Variants in ARFIP1 observed in about 807,000 individuals in gnomAD.
The protein encoded by ARFIP1 is ARF interacting protein 1.
Under a neutral mutation model 42.5 loss-of-function variants are expected in ARFIP1, and 24 were observed. That is an observed-to-expected ratio of 0.57 (90% CI 0.41 to 0.80). ARFIP1 has a LOEUF of 0.80. Among genes scored for constraint, ARFIP1 ranks in the 30% least tolerant of loss-of-function variants. The pLI is 0.00. For synonymous variants in ARFIP1, 141 were observed against 153.7 expected (o/e 0.92, Z 0.61); for missense variants, 354 against 434.0 (o/e 0.82, Z 1.64).
chr4:152,902,861 T>C (rs1278368311), intron 8 of ARFIP1, among the ~76,000 whole-genome samples: 1 of 152,178 alleles, frequency 6.6e-6, no homozygotes, highest in African/African-American at 2.4e-5. Context: ...CTTTCCCAGG[T>C]TGACTTTTAC....
intron 8 of ARFIP1, among the ~76,000 whole-genome samples, chr4:152,896,585 A>T (rs1737352459): frequency 6.6e-6 from 1 of 152,176 alleles, no homozygotes; most frequent in African/African-American, 2.4e-5. Context: ...AACGGGAAGG[A>T]TTAATAAAAT....
At chr4:152,789,929 C>G (rs1731052396) in intron 1 of ARFIP1, among the ~76,000 whole-genome samples, 3 of 152,158 alleles carry the variant, frequency 2.0e-5, no homozygotes, top group African/African-American at 7.2e-5. Flanking sequence ...TAGAATCAGC[C>G]TTTTCTCCAA....
At chr4:152,867,509 T>TGGGGAGAGGGAGAGAGGTGAGACGGGAGA (rs1734512282) in intron 3 of ARFIP1, among the ~76,000 whole-genome samples, 1 of 151,364 alleles carries the variant, frequency 6.6e-6, no homozygotes, top group Admixed American at 6.6e-5. Context: ...AGGGAGACCG[T>TGGGGAGAGGGAGAGAGGTGAGACGGGAGA]GGGGAGAGGG....
At chr4:152,876,661 G>C (rs1043208106) in intron 5 of ARFIP1, among the ~76,000 whole-genome samples, 1 of 152,230 alleles carries the variant, frequency 6.6e-6, no homozygotes, top group Non-Finnish European at 1.5e-5. Context: ...TTGCCAAGAT[G>C]ATGGGGAAAA....
rs191393412 is a variant in ARFIP1, at chr4:152,904,084, C to T, written c.967-5980C>T. 1.6e-3 allele frequency among the ~76,000 whole-genome samples: 236 copies of T among 150,914 alleles called. 4 individuals carry two copies. Among genetic ancestry groups the T allele is most frequent in the Non-Finnish European group, 2.2e-3 (148 of 67,824 alleles). ...TTTTATTTTTAAGTTCATGGGTACA[C>T]GTGCAGGATGTGCAGGTCTGTTACA... On this transcript the variant is annotated intron_variant, in intron 8 of 8. Transcript: ENST00000353617.
chr4:152,785,114 G>A (rs181796493), intron 1 of ARFIP1, among the ~76,000 whole-genome samples: 153 of 152,328 alleles, frequency 1.0e-3, no homozygotes, highest in African/African-American at 3.5e-3. Context: ...TTCCTTGGAA[G>A]CTGTGGAGTG....
In ARFIP1 at chr4:152,912,313, A is replaced by G. The variant is rs1738902477; in HGVS notation, c.*2094A>G. On this transcript the variant is annotated 3_prime_UTR_variant, in exon 9 of 9. Transcript: ENST00000353617. Reference sequence around the variant, plus strand: ...AGAAGAAAATTTCAAGTAATAGAAGATAAGTACCTTCCCAAGTGAATAAAT... The same window carrying G: ...AGAAGAAAATTTCAAGTAATAGAAGGTAAGTACCTTCCCAAGTGAATAAAT... 6.6e-6 allele frequency: 1 copy of G among 152,202 alleles called. No homozygotes were observed. Among genetic ancestry groups the G allele is most frequent in the Non-Finnish European group, 1.5e-5 (1 of 68,012 alleles). The allele number at this position is 152,202 out of a possible 1,614,324, so 9.4% of individuals were successfully genotyped here. A position where few individuals can be genotyped will look rare whatever the true frequency, so the allele number is the denominator to read the frequency against.
At chr4:152,781,888 C>A (rs1730519453) in intron 1 of ARFIP1, among the ~76,000 whole-genome samples, 1 of 152,212 alleles carries the variant, frequency 6.6e-6, no homozygotes, top group Non-Finnish European at 1.5e-5. Flanking sequence ...CTCATTCCCA[C>A]CCCTGAAATT....
intron 1 of ARFIP1, among the ~76,000 whole-genome samples, chr4:152,815,460 G>C (rs1334625751): frequency 2.0e-5 from 3 of 152,128 alleles, no homozygotes; most frequent in Non-Finnish European, 2.9e-5. Context: ...TCAAGCTTTT[G>C]TCTGGACCTC....
At chr4:152,795,961 T>C (rs1042975183) in intron 1 of ARFIP1, 12 of 341,308 alleles carry the variant, frequency 3.5e-5, no homozygotes, top group Non-Finnish European at 6.1e-5. Context: ...CTCTTGATGA[T>C]TGCAGACAGG....
intron 8 of ARFIP1, among the ~76,000 whole-genome samples, chr4:152,892,865 T>C (rs1463101161): frequency 6.6e-6 from 1 of 152,206 alleles, no homozygotes; most frequent in African/African-American, 2.4e-5. Flanking sequence ...TAAACCACAT[T>C]GAGTTGTGTA....
chr4:152,859,237 A>G (rs866363536), intron 2 of ARFIP1, among the ~76,000 whole-genome samples: 1 of 151,820 alleles, frequency 6.6e-6, no homozygotes, highest in Non-Finnish European at 1.5e-5. Flanking sequence ...GAATTTTTGT[A>G]TTTTTTTAGA....
intron 1 of ARFIP1, among the ~76,000 whole-genome samples, chr4:152,794,967 T>C (rs910842908): frequency 2.6e-5 from 4 of 152,302 alleles, no homozygotes; most frequent in African/African-American, 9.6e-5. Context: ...TCTGACACCA[T>C]GTCAGCATGT....
chr4:152,833,836 TAGAAAC>T (rs1472893209), intron 2 of ARFIP1, among the ~76,000 whole-genome samples: 1 of 152,200 alleles, frequency 6.6e-6, no homozygotes, highest in Non-Finnish European at 1.5e-5. Context: ...GTTGAATTCA[TAGAAAC>T]AGATAGTAGA....
At chr4:152,886,622 A>G (rs1736284253) in intron 7 of ARFIP1, among the ~76,000 whole-genome samples, 1 of 152,062 alleles carries the variant, frequency 6.6e-6, no homozygotes, top group Non-Finnish European at 1.5e-5. Context: ...ATCTAATTAA[A>G]TAATTATTCC....
rs192448551 is a variant in ARFIP1 at position 152,875,833 on chromosome 4, G to A, written c.411+3269G>A. ...CCTAGAATTCCCATGAGTTGTGGGA[G>A]GGACCTAAGGGGAGGTAATTGAATC... On this transcript the variant is annotated intron_variant, in intron 5 of 8. Coordinates refer to ENST00000353617, the MANE Select transcript of ARFIP1 (RefSeq NM_001025595.3). 2.5e-3 allele frequency among the ~76,000 whole-genome samples: 376 copies of A among 151,970 alleles called. 5 individuals carry two copies. The highest frequency in any genetic ancestry group is 6.5e-4 in the Non-Finnish European group (44 of 67,980).
intron 1 of ARFIP1, among the ~76,000 whole-genome samples, chr4:152,828,336 T>C (rs1015466495): frequency 2.6e-5 from 4 of 152,216 alleles, no homozygotes; most frequent in Non-Finnish European, 5.9e-5. Context: ...TAGCAGTGAG[T>C]GAGAGTTCCT....
Position 152,870,779 on chromosome 4 carries a change from G to A in ARFIP1, c.229G>A (p.Val77Ile), listed in dbSNP as rs1401056035. ...QGSPAPPLPSVMSPSRVAASR... is the reference protein window; with the variant it reads ...QGSPAPPLPSIMSPSRVAASR... ...TTCCCCAGCACCGCCACTGCCATCT[G>A]TTATGTCTCCTAGCAGGGTTGCAGC... The change falls in exon 4 of 9, where the codon GTT becomes ATT. Residue 77 changes from valine (V) to isoleucine (I), a missense_variant. Coordinates refer to ENST00000353617, the MANE Select transcript of ARFIP1 (RefSeq NM_001025595.3). The A allele has an allele frequency of 6.2e-7, 1 of 1,613,952 alleles. No homozygotes were observed. Among genetic ancestry groups the A allele is most frequent in the Non-Finnish European group, 8.5e-7 (1 of 1,179,972 alleles).
intron 8 of ARFIP1, among the ~76,000 whole-genome samples, chr4:152,892,092 A>G (rs1736908551): frequency 6.6e-6 from 1 of 152,032 alleles, no homozygotes; most frequent in African/African-American, 2.4e-5. Context: ...TTTTTTAAAG[A>G]TACTGGCTCT....
Sources: gnomAD v4.1 joint callset for allele counts (sites outside exome capture counted in the v4.1 genomes callset) on GRCh38, gnomAD v4.1.1 for gene constraint, MANE v1.5 for transcripts, NCBI Gene and HGNC (gene_info 2026-07-23, HGNC 2026-07-21) for gene names.